The following ELOVL5 variants were observed in gnomAD, a reference collection of about 807,000 sequenced individuals.
ELOVL5 encodes the protein ELOVL fatty acid elongase 5, also known as very long chain fatty acid elongase 5.
A neutral mutation model predicts 38.6 loss-of-function variants in ELOVL5; 8 were observed. That is an observed-to-expected ratio of 0.21 (90% CI 0.12 to 0.37). The LOEUF is 0.37. ELOVL5 is among the 10% of genes least tolerant of loss of function. The probability of loss-of-function intolerance (pLI) is 1.00; values close to 1 mark genes in which losing one functional copy is unlikely to be tolerated. For synonymous variants in ELOVL5, 127 were observed against 133.7 expected (o/e 0.95, Z 0.34); for missense variants, 280 against 367.8 (o/e 0.76, Z 1.95).
chr6:53,344,666 G>A (rs1357323687), intron 1 of ELOVL5, among the ~76,000 whole-genome samples: 1 of 152,138 alleles, frequency 6.6e-6, no homozygotes, highest in African/African-American at 2.4e-5. Context: ...CTTGTGAGGG[G>A]CTCAGTGCAA....
chr6:53,335,942 C>A (rs1351695054), intron 1 of ELOVL5, among the ~76,000 whole-genome samples: 1 of 152,176 alleles, frequency 6.6e-6, no homozygotes, highest in Non-Finnish European at 1.5e-5. Flanking sequence ...GTATGATGAG[C>A]AAGGAATTTA....
At chr6:53,276,145 T>C in intron 4 of ELOVL5, 34 bp downstream of exon 4, 1 of 1,459,274 alleles carries the variant, frequency 6.9e-7, no homozygotes, top group South Asian at 1.2e-5. Context: ...ACTCAACACT[T>C]ATAATAATAA....
At chr6:53,271,071 G>C (rs1765901042) in intron 6 of ELOVL5, among the ~76,000 whole-genome samples, 1 of 152,236 alleles carries the variant, frequency 6.6e-6, no homozygotes. Flanking sequence ...CATCACTGCA[G>C]GATGTGCCAC....
At chr6:53,313,101 T>C (rs1408375374) in intron 1 of ELOVL5, among the ~76,000 whole-genome samples, 1 of 152,136 alleles carries the variant, frequency 6.6e-6, no homozygotes, top group Admixed American at 6.5e-5. Flanking sequence ...TGTCAAACAG[T>C]AAGAAAATCA....
intron 3 of ELOVL5, among the ~76,000 whole-genome samples, chr6:53,286,156 C>T (rs983279270): frequency 9.2e-5 from 14 of 152,206 alleles, no homozygotes; most frequent in African/African-American, 3.1e-4. Context: ...AAGAGACTGT[C>T]GGATTCAGTC....
chr6:53,304,948 C>G (rs1449630973), intron 1 of ELOVL5, among the ~76,000 whole-genome samples: 1 of 152,164 alleles, frequency 6.6e-6, no homozygotes, highest in Non-Finnish European at 1.5e-5. Flanking sequence ...GGGTACACCT[C>G]CCAGACGGGG....
At chr6:53,317,409 G>A (rs572652844) in intron 1 of ELOVL5, among the ~76,000 whole-genome samples, 3 of 152,248 alleles carry the variant, frequency 2.0e-5, no homozygotes, top group Non-Finnish European at 4.4e-5. Context: ...GTCCAACAAC[G>A]ATAGACTGGA....
intron 6 of ELOVL5, among the ~76,000 whole-genome samples, chr6:53,272,921 TACACACATAC>T (rs1374271043): frequency 7.7e-4 from 53 of 68,398 alleles, no homozygotes; most frequent in Admixed American, 5.4e-3. Flanking sequence ...CACACACATA[TACACACATAC>T]ATGCATATGT....
chr6:53,328,628 A>G (rs1211008034), intron 1 of ELOVL5, among the ~76,000 whole-genome samples: 1 of 152,180 alleles, frequency 6.6e-6, no homozygotes, highest in African/African-American at 2.4e-5. Flanking sequence ...ATCAACAGTT[A>G]AAAAAAGGTC....
intron 1 of ELOVL5, among the ~76,000 whole-genome samples, chr6:53,317,528 C>T (rs933839904): frequency 2.0e-5 from 3 of 152,016 alleles, no homozygotes; most frequent in Non-Finnish European, 4.4e-5. Flanking sequence ...TCATTCTCAG[C>T]AAACTATCGC....
intron 1 of ELOVL5, among the ~76,000 whole-genome samples, chr6:53,344,584 G>A (rs1401577685): frequency 1.3e-5 from 2 of 152,170 alleles, no homozygotes; most frequent in Non-Finnish European, 2.9e-5. Context: ...CAAATCAAGT[G>A]TCTAAACTCT....
At chr6:53,302,413 G>GA (rs1767293790) in intron 1 of ELOVL5, among the ~76,000 whole-genome samples, 1 of 152,332 alleles carries the variant, frequency 6.6e-6, no homozygotes, top group African/African-American at 2.4e-5. Flanking sequence ...AACAGAACAT[G>GA]AGGGGATGGG....
intron 3 of ELOVL5, among the ~76,000 whole-genome samples, chr6:53,278,394 G>C (rs535325688): frequency 1.0e-3 from 157 of 152,292 alleles, no homozygotes; most frequent in Non-Finnish European, 1.8e-3. Flanking sequence ...CAATCCCAAA[G>C]ATGAGAACGG....
chr6:53,286,841 CTA>C (rs1177949122), intron 3 of ELOVL5, among the ~76,000 whole-genome samples: 1 of 152,054 alleles, frequency 6.6e-6, no homozygotes, highest in Non-Finnish European at 1.5e-5. Context: ...TTAGAACGTA[CTA>C]TGTGTTGTCA....
chr6:53,348,512 GCGCACA>G (rs1422008699), intron 1 of ELOVL5, among the ~76,000 whole-genome samples: 1 of 152,182 alleles, frequency 6.6e-6, no homozygotes, highest in South Asian at 2.1e-4. Flanking sequence ...GCCTGTCAGC[GCGCACA>G]GGTGGGACCG....
chr6:53,314,895 CAATT>C lies in ELOVL5; in HGVS notation c.-8-19192_-8-19189del, dbSNP rs1381586170. Among the ~76,000 whole-genome samples, 5 of 152,212 alleles carry C rather than the reference CAATT, an allele frequency of 3.3e-5. No individual in the cohort carries two copies. The East Asian group carries it at 9.6e-4, about 29-fold the overall frequency. ...TTTCCTATGCAAAATCCAATGAAAA[CAATT>C]ATTTGAAGAAAATTAATGTAACTAC... is the stretch of plus-strand genomic sequence containing the variant. On this transcript the variant is annotated intron_variant, in intron 1 of 7. Transcript: ENST00000304434.
chr6:53,272,765 G>A (rs1765971370), intron 6 of ELOVL5, among the ~76,000 whole-genome samples: 1 of 152,076 alleles, frequency 6.6e-6, no homozygotes, highest in African/African-American at 2.4e-5. Context: ...GGGGCTGAGG[G>A]GTCATCCATA....
At chr6:53,272,821 C>A (rs1239014834) in intron 6 of ELOVL5, among the ~76,000 whole-genome samples, 1 of 152,168 alleles carries the variant, frequency 6.6e-6, no homozygotes, top group Non-Finnish European at 1.5e-5. Flanking sequence ...GCTACACATA[C>A]CCTGGACTCC....
At position 53,306,214 on chromosome 6, in the gene ELOVL5, A is replaced by AG. The variant is rs1561878327; in HGVS notation, c.-8-10508dup. On this transcript the variant is annotated intron_variant, in intron 1 of 7. Transcript: ENST00000304434. ...CCGTGGAAAGGGGAGGAGAAAGGGGAGAGGGGAGAGGGGAGAGGGGAGAGG... is the reference window on the plus strand; with the variant it reads ...CCGTGGAAAGGGGAGGAGAAAGGGGAGGAGGGGAGAGGGGAGAGGGGAGAGG... Among the ~76,000 whole-genome samples the AG allele has an allele frequency of 9.3e-3, 148 of 15,926 alleles. 23 individuals carry two copies. The highest frequency in any genetic ancestry group is 0.035 in the Admixed American group (78 of 2,224). 10.4% of individuals were successfully genotyped at this position (15,926 alleles called of 152,430 possible).
Sources: gnomAD v4.1 joint callset for allele counts (sites outside exome capture counted in the v4.1 genomes callset) on GRCh38, gnomAD v4.1.1 for gene constraint, MANE v1.5 for transcripts, NCBI Gene and HGNC (gene_info 2026-07-23, HGNC 2026-07-21) for gene names.